The following ANKS1B variants were observed in gnomAD, a reference collection of about 807,000 sequenced individuals.
ANKS1B encodes ankyrin repeat and sterile alpha motif domain containing 1B, also known as ankyrin repeat and sterile alpha motif domain-containing protein 1B.
A neutral mutation model predicts 148.3 loss-of-function variants in ANKS1B; 36 were observed. The observed-to-expected ratio is 0.24, with a 90% CI of 0.19 to 0.32. The LOEUF (loss-of-function observed/expected upper bound fraction) is 0.32. ANKS1B is among the 10% of genes least tolerant of loss of function. The probability of loss-of-function intolerance (pLI) is 1.00; values close to 1 mark genes in which losing one functional copy is unlikely to be tolerated. For synonymous variants in ANKS1B, 542 were observed against 560.8 expected, an observed-to-expected ratio of 0.97 and a Z score of 0.47; for missense variants, 1,157 against 1,542.6, an observed-to-expected ratio of 0.75 and a Z score of 4.19.
intron 14 of ANKS1B, among the ~76,000 whole-genome samples, chr12:99,191,332 A>G (rs2080666401): frequency 6.6e-6 from 1 of 152,260 alleles, no homozygotes; most frequent in Non-Finnish European, 1.5e-5. Flanking sequence ...TGACCCAACA[A>G]TCCCATTACT....
chr12:99,471,289 C>A (rs1511965), intron 10 of ANKS1B, among the ~76,000 whole-genome samples: 29,092 of 151,652 alleles, frequency 0.19, 2,843 homozygotes, highest in Middle Eastern at 0.24. Context: ...TTGTTGTTAA[C>A]AAAATATTGC....
intron 8 of ANKS1B, among the ~76,000 whole-genome samples, chr12:99,700,863 G>A (rs1463323576): frequency 6.6e-6 from 1 of 152,120 alleles, no homozygotes; most frequent in Non-Finnish European, 1.5e-5. Flanking sequence ...ACAGTCTCAG[G>A]TCATTGACTT....
At chr12:99,002,732 G>GAAATT (rs1315546010) in intron 17 of ANKS1B, among the ~76,000 whole-genome samples, 1 of 152,108 alleles carries the variant, frequency 6.6e-6, no homozygotes, top group African/African-American at 2.4e-5. Context: ...GTATATTTCA[G>GAAATT]AAATTAACCC....
At chr12:99,713,489 A>G (rs2153539719) in intron 8 of ANKS1B, among the ~76,000 whole-genome samples, 1 of 152,232 alleles carries the variant, frequency 6.6e-6, no homozygotes, top group African/African-American at 2.4e-5. Flanking sequence ...CACATTTTCA[A>G]CAGTTTGCTT....
intron 25 of ANKS1B, among the ~76,000 whole-genome samples, chr12:98,753,121 G>A (rs374137622): frequency 1.3e-5 from 2 of 152,276 alleles, no homozygotes; most frequent in African/African-American, 2.4e-5. Flanking sequence ...TAGATGCCAC[G>A]CCAAGCAGCG....
chr12:99,806,744 T>A, intron 3 of ANKS1B, 44 bp from the exon 4 acceptor site: 16 of 1,559,898 alleles, frequency 1.0e-5, no homozygotes, highest in Non-Finnish European at 1.4e-5. Flanking sequence ...AGAAATTCAA[T>A]TTGTTATCAA....
chr12:99,980,621 G>A (rs1219754801), intron 1 of ANKS1B, among the ~76,000 whole-genome samples: 1 of 151,964 alleles, frequency 6.6e-6, no homozygotes, highest in Non-Finnish European at 1.5e-5. Flanking sequence ...CAAAATTTGA[G>A]AATATGTAAA....
chr12:99,453,095 C>T (rs569026665), intron 10 of ANKS1B, among the ~76,000 whole-genome samples: 8 of 150,860 alleles, frequency 5.3e-5, no homozygotes, highest in African/African-American at 1.5e-4. Flanking sequence ...TCGAGACCAT[C>T]CTGGCTAACA....
intron 9 of ANKS1B, among the ~76,000 whole-genome samples, chr12:99,531,882 T>C (rs527460931): frequency 6.6e-6 from 1 of 152,364 alleles, no homozygotes; most frequent in Non-Finnish European, 1.5e-5. Flanking sequence ...TTTGACTTTT[T>C]GAAAATGGCC....
At chr12:99,876,828 T>C (rs1314152223) in intron 1 of ANKS1B, among the ~76,000 whole-genome samples, 1 of 152,172 alleles carries the variant, frequency 6.6e-6, no homozygotes, top group East Asian at 1.9e-4. Flanking sequence ...CTTTTACTTC[T>C]GAGCTTTTTT....
intron 11 of ANKS1B, among the ~76,000 whole-genome samples, chr12:99,424,163 T>C (rs921349374): frequency 6.6e-6 from 1 of 152,210 alleles, no homozygotes; most frequent in Non-Finnish European, 1.5e-5. Context: ...CAGTGTAATA[T>C]AATAAGTAGG....
chr12:98,773,769 A>ATAAT (rs1331745618), intron 24 of ANKS1B, among the ~76,000 whole-genome samples: 2 of 152,202 alleles, frequency 1.3e-5, no homozygotes, highest in Non-Finnish European at 2.9e-5. Context: ...ACTTTAAAAA[A>ATAAT]TAATAGTAAT....
intron 17 of ANKS1B, among the ~76,000 whole-genome samples, chr12:98,921,439 C>T (rs2099801304): frequency 6.6e-6 from 1 of 152,116 alleles, no homozygotes; most frequent in Non-Finnish European, 1.5e-5. Context: ...TTACTTTTGC[C>T]ACTGTTTTTC....
At chr12:99,947,276 AG>A (rs1361148275) in intron 1 of ANKS1B, among the ~76,000 whole-genome samples, 1 of 150,700 alleles carries the variant, frequency 6.6e-6, no homozygotes, top group Non-Finnish European at 1.5e-5. Context: ...AAAACAGAAA[AG>A]AAAATTTCAG....
At chr12:99,490,561 T>C (rs2096545551) in intron 10 of ANKS1B, among the ~76,000 whole-genome samples, 1 of 152,242 alleles carries the variant, frequency 6.6e-6, no homozygotes, top group African/African-American at 2.4e-5. Flanking sequence ...GTTTTCTCTT[T>C]TCCCTTTTTG....
At chr12:99,640,624 C>G (rs1197385354) in intron 9 of ANKS1B, among the ~76,000 whole-genome samples, 1 of 152,166 alleles carries the variant, frequency 6.6e-6, no homozygotes, top group Non-Finnish European at 1.5e-5. Context: ...GCCTTCGAAA[C>G]TGTGAGAAGT....
intron 8 of ANKS1B, among the ~76,000 whole-genome samples, chr12:99,738,747 C>T (rs976561955): frequency 2.0e-5 from 3 of 151,960 alleles, no homozygotes; most frequent in Non-Finnish European, 4.4e-5. Context: ...AAGGATTGGC[C>T]CAAACCAAGA....
At chr12:98,831,296 T>G (rs1322940520) in intron 18 of ANKS1B, 2 of 152,192 alleles carry the variant, frequency 1.3e-5, no homozygotes, top group African/African-American at 2.4e-5. Flanking sequence ...TACAATTTAT[T>G]AAGTAAGGTT....
intron 12 of ANKS1B, among the ~76,000 whole-genome samples, chr12:99,385,179 A>C (rs1446930293): frequency 1.3e-5 from 2 of 150,048 alleles, no homozygotes; most frequent in Non-Finnish European, 3.0e-5. Context: ...CTTAAAGTGC[A>C]ACTAATAGGC....
Sources: allele counts gnomAD v4.1 joint callset (sites outside exome capture counted in the v4.1 genomes callset), GRCh38; gene constraint gnomAD v4.1.1; transcripts MANE v1.5; gene names NCBI Gene and HGNC (gene_info 2026-07-23, HGNC 2026-07-21).